The following HSD17B12 variants were observed in gnomAD, a reference collection of about 807,000 sequenced individuals.
HSD17B12 encodes hydroxysteroid 17-beta dehydrogenase 12.
HSD17B12 carries 32 observed loss-of-function variants against 39.3 expected under a neutral mutation model. The ratio of observed to expected loss-of-function variants is 0.81; its 90% confidence interval spans 0.61 to 1.09. HSD17B12 has a LOEUF of 1.09. Ranked by LOEUF, HSD17B12 falls within the 50% of genes least tolerant of loss-of-function variation. HSD17B12 has a pLI of 0.00. For synonymous variants in HSD17B12, 150 were observed against 146.7 expected, an observed-to-expected ratio of 1.02 and a Z score of -0.16; for missense variants, 342 against 382.9, an observed-to-expected ratio of 0.89 and a Z score of 0.89.
chr11:43,571,325 C>T, the HSD17B12 span, among the ~76,000 whole-genome samples: 1 of 152,222 alleles, frequency 6.6e-6, no homozygotes, highest in Non-Finnish European at 1.5e-5. Flanking sequence ...ACCCCTGACA[C>T]CTTTCTATTT....
intron 1 of HSD17B12, among the ~76,000 whole-genome samples, chr11:43,719,363 A>G (rs1193244884): frequency 1.3e-5 from 2 of 152,194 alleles, no homozygotes; most frequent in African/African-American, 2.4e-5. Flanking sequence ...AGTTAGCATC[A>G]TAGGAAAACC....
chr11:43,856,172 A>G lies in HSD17B12; in HGVS notation c.*924A>G, dbSNP rs1951581699. 6.6e-6 allele frequency: 1 copy of G among 152,240 alleles called. No homozygotes were observed. Among genetic ancestry groups the G allele is most frequent in the Admixed American group, 6.5e-5 (1 of 15,290 alleles). 9.4% of individuals were successfully genotyped at this position (152,240 alleles called of 1,614,324 possible). A position where few individuals can be genotyped will look rare whatever the true frequency, so the allele number is the denominator to read the frequency against. On this transcript the variant is annotated 3_prime_UTR_variant, in exon 11 of 11. Transcript: ENST00000278353. ...GTAGCTATTGATATAATTAGTTTTA[A>G]TAAAACATGCTGCAACCATGGTATA... is the stretch of plus-strand genomic sequence containing the variant.
At chr11:43,778,928 C>G (rs1366269753) in intron 3 of HSD17B12, among the ~76,000 whole-genome samples, 2 of 152,076 alleles carry the variant, frequency 1.3e-5, no homozygotes, top group Admixed American at 6.5e-5. Flanking sequence ...TTTATAATCT[C>G]TTAGGAATAA....
At chr11:43,719,904 T>A (rs1335006458) in intron 1 of HSD17B12, among the ~76,000 whole-genome samples, 2 of 152,222 alleles carry the variant, frequency 1.3e-5, no homozygotes, top group Non-Finnish European at 2.9e-5. Flanking sequence ...TTTAGTACGA[T>A]AGTTTTCTTT....
chr11:43,725,985 T>C (rs1950217021), intron 1 of HSD17B12, among the ~76,000 whole-genome samples: 2 of 152,166 alleles, frequency 1.3e-5, no homozygotes, highest in Admixed American at 1.3e-4. Flanking sequence ...ATTTCTAAAG[T>C]AAAAGATTTC....
At chr11:43,573,488 A>C in the HSD17B12 span, among the ~76,000 whole-genome samples, 1 of 152,214 alleles carries the variant, frequency 6.6e-6, no homozygotes, top group African/African-American at 2.4e-5. Flanking sequence ...TGAATCCACC[A>C]GGAAGCCGGC....
chr11:43,828,994 A>G (rs1387522224), intron 6 of HSD17B12, among the ~76,000 whole-genome samples: 2 of 152,246 alleles, frequency 1.3e-5, no homozygotes, highest in African/African-American at 4.8e-5. Context: ...TAATTTCATT[A>G]TAGATGAAGG....
chr11:43,642,912 T>G, the HSD17B12 span, among the ~76,000 whole-genome samples: 2 of 151,990 alleles, frequency 1.3e-5, no homozygotes, highest in African/African-American at 4.8e-5. Flanking sequence ...ATAAGCTAAA[T>G]GTAATAGTAA....
chr11:43,840,107 G>C (rs781558234), intron 9 of HSD17B12, 43 bp downstream of exon 9: 1 of 1,517,060 alleles, frequency 6.6e-7, no homozygotes, highest in South Asian at 1.2e-5. Context: ...GTTTTTGTGT[G>C]GTTTCCAGAG....
At chr11:43,648,389 A>G in the HSD17B12 span, among the ~76,000 whole-genome samples, 1 of 152,008 alleles carries the variant, frequency 6.6e-6, no homozygotes, top group Admixed American at 6.5e-5. Flanking sequence ...AGCTACTTAA[A>G]CCAAATTCAC....
upstream of HSD17B12, among the ~76,000 whole-genome samples, chr11:43,677,388 C>T (rs111663441): frequency 4.6e-5 from 7 of 152,234 alleles, no homozygotes; most frequent in African/African-American, 1.4e-4. Context: ...GAGAAGGAAA[C>T]AAAAACTCTT....
the HSD17B12 span, among the ~76,000 whole-genome samples, chr11:43,647,495 G>C: frequency 0.89 from 130,507 of 146,916 alleles, 59,318 homozygotes; most frequent in Non-Finnish European, 0.98. Context: ...CCAGGCTGGT[G>C]TCAAACTTCT....
chr11:43,680,504 C>A, upstream of HSD17B12: 2 of 373,966 alleles, frequency 5.3e-6, no homozygotes, highest in Non-Finnish European at 9.9e-6. Context: ...GTCGCGAGTA[C>A]GGCTGCAGCC....
Position 43,754,120 on chromosome 11 carries a change from A to G in HSD17B12, c.282A>G (p.Ile94Met), listed in dbSNP as rs771898347. ...AACTTGACCAGGTTTCCAGTGAAAT[A>G]AGTAAGTTCTCACATCAAACAAAAG... Reference protein sequence around the residue: ...KDKLDQVSSEIKEKFKVETRT... With the variant: ...KDKLDQVSSEMKEKFKVETRT... The change falls in exon 3 of 11, where the codon ATA becomes ATG. Residue 94 changes from isoleucine to methionine, a missense_variant and splice_region_variant. Physicochemically the swap from Ile to Met is conservative, Grantham distance 10 (BLOSUM62 1). Coordinates refer to ENST00000278353, the MANE Select transcript of HSD17B12 (RefSeq NM_016142.3). 1.2e-5 allele frequency: 20 copies of G among 1,603,748 alleles called. No homozygotes were observed. Among genetic ancestry groups the G allele is most frequent in the Non-Finnish European group, 1.5e-5 (17 of 1,171,614 alleles).
At chr11:43,749,569 T>A (rs1351792216) in intron 1 of HSD17B12, among the ~76,000 whole-genome samples, 1 of 152,024 alleles carries the variant, frequency 6.6e-6, no homozygotes, top group East Asian at 1.9e-4. Context: ...AGTTGTTGAT[T>A]GGTGAAGCTG....
At chr11:43,754,834 C>T in intron 3 of HSD17B12, 2 of 758,170 alleles carry the variant, frequency 2.6e-6, no homozygotes, top group Non-Finnish European at 4.8e-6. Context: ...GATAGCAATA[C>T]CCATGTGACA....
chr11:43,601,527 C>G, the HSD17B12 span, among the ~76,000 whole-genome samples: 2 of 146,446 alleles, frequency 1.4e-5, no homozygotes, highest in East Asian at 2.0e-4. Flanking sequence ...TTTAAAGTAG[C>G]CTGAGGGCAA....
At chr11:43,835,055 G>A (rs1252897580) in intron 7 of HSD17B12, among the ~76,000 whole-genome samples, 2 of 152,132 alleles carry the variant, frequency 1.3e-5, no homozygotes, top group African/African-American at 4.8e-5. Flanking sequence ...TAGAAAATGC[G>A]CTGAAGTATG....
chr11:43,703,487 C>A (rs1405656966), intron 1 of HSD17B12, among the ~76,000 whole-genome samples: 1 of 152,230 alleles, frequency 6.6e-6, no homozygotes, highest in African/African-American at 2.4e-5. Context: ...AGCCACCGCG[C>A]CCGGCCAAAC....
Sources: allele counts gnomAD v4.1 joint callset (sites outside exome capture counted in the v4.1 genomes callset), GRCh38; gene constraint gnomAD v4.1.1; transcripts MANE v1.5; gene names NCBI Gene and HGNC (gene_info 2026-07-23, HGNC 2026-07-21).